Variants in ZC3H12B observed in about 807,000 individuals in gnomAD.
ZC3H12B encodes the protein probable ribonuclease ZC3H12B.
ZC3H12B carries 7 observed loss-of-function variants against 43.9 expected under a neutral mutation model. That is an observed-to-expected ratio of 0.16 (90% CI 0.09 to 0.30). The LOEUF (loss-of-function observed/expected upper bound fraction) is 0.30. ZC3H12B is among the 10% of genes least tolerant of loss of function. ZC3H12B has a pLI of 1.00. For missense variants in ZC3H12B, 475 were observed against 670.2 expected, an observed-to-expected ratio of 0.71 and a Z score of 3.22; for synonymous variants, 222 against 241.7, an observed-to-expected ratio of 0.92 and a Z score of 0.76.
the ZC3H12B span, among the ~76,000 whole-genome samples, chrX:65,323,915 G>A: frequency 3.6e-5 from 4 of 112,049 alleles, no homozygotes; most frequent in Non-Finnish European, 7.5e-5. Context: ...ATCTCATTGT[G>A]GTTTTGATTT....
the ZC3H12B span, among the ~76,000 whole-genome samples, chrX:65,145,076 C>T: frequency 2.7e-5 from 3 of 111,037 alleles, no homozygotes; most frequent in African/African-American, 6.6e-5. Flanking sequence ...GTATTGATGT[C>T]CCTCACTATT....
chrX:65,389,593 C>T (rs573139099), intron 2 of ZC3H12B, among the ~76,000 whole-genome samples: 38 of 112,768 alleles, frequency 3.4e-4, no homozygotes, highest in Middle Eastern at 4.6e-3. Flanking sequence ...CCAGGTGAGG[C>T]GATGCCTCGC....
At chrX:65,074,570 GTCTCT>G in the ZC3H12B span, among the ~76,000 whole-genome samples, 6 of 111,784 alleles carry the variant, frequency 5.4e-5, no homozygotes, top group Non-Finnish European at 9.4e-5. Flanking sequence ...GTCCCTTTAT[GTCTCT>G]TCTTTTTCTT....
the ZC3H12B span, among the ~76,000 whole-genome samples, chrX:65,126,108 T>C: frequency 2.7e-5 from 3 of 109,199 alleles, no homozygotes; most frequent in African/African-American, 1.0e-4. Context: ...ATTTTGAGTG[T>C]ATTTGGTATA....
exon 5 of ZC3H12B, chrX:65,503,275 A>G (rs1163512766): frequency 1.1e-6 from 1 of 895,160 alleles, no homozygotes; most frequent in Non-Finnish European, 1.5e-6. Context: ...CTAATACAAT[A>G]ATTATAGTAA....
chrX:65,454,353 G>T (rs1208378898), intron 3 of ZC3H12B, among the ~76,000 whole-genome samples: 2 of 112,442 alleles, frequency 1.8e-5, no homozygotes, highest in African/African-American at 6.5e-5. Context: ...GGCTCGGAGG[G>T]TCCTACACCC....
At chrX:65,179,703 T>TA in the ZC3H12B span, among the ~76,000 whole-genome samples, 1 of 111,258 alleles carries the variant, frequency 9.0e-6, no homozygotes, top group Non-Finnish European at 1.9e-5. Context: ...GAGAATACTA[T>TA]AAAAAACCTC....
At chrX:65,452,744 G>A (rs1219397743) in intron 3 of ZC3H12B, among the ~76,000 whole-genome samples, 1 of 109,968 alleles carries the variant, frequency 9.1e-6, no homozygotes, top group Non-Finnish European at 1.9e-5. Context: ...GGGAGGCTGA[G>A]GCAGGAGAAT....
At chrX:65,350,384 A>G in the ZC3H12B span, among the ~76,000 whole-genome samples, 1 of 111,897 alleles carries the variant, frequency 8.9e-6, no homozygotes, top group African/African-American at 3.3e-5. Flanking sequence ...CTAATGGGCA[A>G]AAACTGGAAG....
the ZC3H12B span, among the ~76,000 whole-genome samples, chrX:65,239,844 G>A: frequency 9.0e-6 from 1 of 111,120 alleles, no homozygotes; most frequent in Non-Finnish European, 1.9e-5. Context: ...GCTTAGTTTG[G>A]GCCAATATAA....
chrX:65,312,487 GA>G, the ZC3H12B span, among the ~76,000 whole-genome samples: 1 of 105,686 alleles, frequency 9.5e-6, no homozygotes, highest in African/African-American at 3.8e-5. Context: ...AAACTGTGAG[GA>G]AAAACCCATC....
the ZC3H12B span, among the ~76,000 whole-genome samples, chrX:65,229,341 CT>C: frequency 1.8e-5 from 2 of 111,158 alleles, no homozygotes; most frequent in Non-Finnish European, 3.8e-5. Flanking sequence ...ATGTAGAAAG[CT>C]GAAACTGGAT....
the ZC3H12B span, among the ~76,000 whole-genome samples, chrX:65,282,309 A>C: frequency 9.0e-6 from 1 of 111,244 alleles, no homozygotes; most frequent in African/African-American, 3.3e-5. Context: ...CAACAAAAAA[A>C]AGAAAACCAA....
chrX:65,228,275 A>T, the ZC3H12B span, among the ~76,000 whole-genome samples: 1 of 112,178 alleles, frequency 8.9e-6, no homozygotes, highest in Non-Finnish European at 1.9e-5. Context: ...AGAAACAAAG[A>T]CAAAAACCAC....
At chrX:65,258,951 A>T in the ZC3H12B span, among the ~76,000 whole-genome samples, 1 of 112,105 alleles carries the variant, frequency 8.9e-6, no homozygotes, top group Admixed American at 9.5e-5. Flanking sequence ...TTCCGTGCTC[A>T]TGGATAGGAA....
At chrX:65,318,780 AT>A in the ZC3H12B span, among the ~76,000 whole-genome samples, 187 of 106,815 alleles carry the variant, frequency 1.8e-3, no homozygotes, top group Middle Eastern at 9.5e-3. Context: ...TTTTGTTGGG[AT>A]TTTTTTTTTC....
At chrX:65,229,898 A>G in the ZC3H12B span, among the ~76,000 whole-genome samples, 1 of 110,746 alleles carries the variant, frequency 9.0e-6, no homozygotes. Context: ...GGTGCTGGAG[A>G]GGATGTGGAG....
the ZC3H12B span, among the ~76,000 whole-genome samples, chrX:65,160,597 T>G: frequency 9.0e-6 from 1 of 111,716 alleles, no homozygotes; most frequent in Non-Finnish European, 1.9e-5. Context: ...TCTGTGGGAT[T>G]GGTGGTGATA....
chrX:65,230,190 G>GAAT, the ZC3H12B span, among the ~76,000 whole-genome samples: 13 of 111,632 alleles, frequency 1.2e-4, no homozygotes, highest in East Asian at 3.7e-3. Context: ...ATACACCATG[G>GAAT]AATACTATGT....
Sources: gnomAD v4.1 joint callset for allele counts (sites outside exome capture counted in the v4.1 genomes callset) on GRCh38, gnomAD v4.1.1 for gene constraint, MANE v1.5 for transcripts, NCBI Gene and HGNC (gene_info 2026-07-23, HGNC 2026-07-21) for gene names.